The following RPS6KA1 variants were observed in gnomAD, a reference collection of about 807,000 sequenced individuals.
The protein encoded by RPS6KA1 is ribosomal protein S6 kinase A1.
RPS6KA1 carries 48 observed loss-of-function variants against 91.3 expected under a neutral mutation model. The ratio of observed to expected loss-of-function variants is 0.53; its 90% CI spans 0.42 to 0.67. RPS6KA1 has a LOEUF of 0.67. Among genes scored for constraint, RPS6KA1 ranks in the 30% least tolerant of loss-of-function variants. RPS6KA1 has a pLI of 0.00. For missense variants in RPS6KA1, 719 were observed against 960.5 expected, an observed-to-expected ratio of 0.75 and a Z score of 3.32; for synonymous variants, 359 against 384.7, an observed-to-expected ratio of 0.93 and a Z score of 0.78.
chr1:26,530,006 G>C, intron 1 of RPS6KA1, 23 bp downstream of exon 1: 1 of 1,323,562 alleles, frequency 7.6e-7, no homozygotes, highest in South Asian at 1.8e-5. Context: ...GGCGGGGGAC[G>C]GGCGCCCGCG....
intron 4 of RPS6KA1, among the ~76,000 whole-genome samples, chr1:26,549,682 A>G (rs1374563647): frequency 6.7e-6 from 1 of 149,400 alleles, no homozygotes; most frequent in Non-Finnish European, 1.5e-5. Flanking sequence ...CATGTCCAAA[A>G]GCCTGTTCTT....
chr1:26,536,209 G>T (rs910410649), intron 1 of RPS6KA1, among the ~76,000 whole-genome samples: 14 of 150,280 alleles, frequency 9.3e-5, no homozygotes, highest in African/African-American at 3.4e-4. Context: ...ACTGAGCCCA[G>T]TGCCTGCCAT....
At position 26,571,172 on chromosome 1, in the gene RPS6KA1, T is replaced by G; in HGVS notation, c.1591-277T>G. 2 of 377,724 alleles carry G rather than the reference T, an allele frequency of 5.3e-6. No homozygotes were observed. The highest frequency in any genetic ancestry group is 5.3e-5 in the South Asian group (1 of 19,010). The allele number at this position is 377,724 out of a possible 1,614,324, so 23.4% of individuals were successfully genotyped here. A position where few individuals can be genotyped will look rare whatever the true frequency, so the allele number is the denominator to read the frequency against. On this transcript the variant is annotated intron_variant, in intron 17 of 21. Transcript: ENST00000374168. The surrounding 1 kb of genome is among the most constrained non-coding windows in gnomAD (Gnocchi z 5.1). ...GACCTAAGTAACAGGAAGGATGGAG[T>G]TGCCACAAGGTAAGATTATGTGATG...
At chr1:26,543,122 A>G in intron 2 of RPS6KA1, 2 of 1,534,784 alleles carry the variant, frequency 1.3e-6, no homozygotes, top group Non-Finnish European at 1.7e-6. Context: ...AGAAGTAGGA[A>G]GAGTAACGGG....
intron 17 of RPS6KA1, among the ~76,000 whole-genome samples, chr1:26,562,897 C>T (rs1295470417): frequency 7.5e-6 from 1 of 133,230 alleles, no homozygotes; most frequent in Non-Finnish European, 1.5e-5. Context: ...AGTGCAGTGG[C>T]ACGATCTTGG....
At position 26,571,311 on chromosome 1, in the gene RPS6KA1, T is replaced by C; in HGVS notation, c.1591-138T>C. On this transcript the variant is annotated intron_variant, in intron 17 of 21. Transcript: ENST00000374168. The surrounding 1 kb of genome is among the most constrained non-coding windows in gnomAD (Gnocchi z 5.1). Reference sequence around the variant, plus strand: ...GCAATAAGACCATCATTTCAGCCCCTTCCCCTTCTCTCGGATGCCAAGTCC... The same window carrying C: ...GCAATAAGACCATCATTTCAGCCCCCTCCCCTTCTCTCGGATGCCAAGTCC... The C allele has an allele frequency of 4.0e-6, 3 of 741,102 alleles. No homozygotes were observed. The highest frequency in any genetic ancestry group is 4.5e-6 in the Non-Finnish European group (2 of 442,576). 45.9% of individuals were successfully genotyped at this position (741,102 alleles called of 1,614,324 possible).
At chr1:26,530,251 A>C (rs2075858524) in intron 1 of RPS6KA1, among the ~76,000 whole-genome samples, 1 of 152,070 alleles carries the variant, frequency 6.6e-6, no homozygotes, top group Non-Finnish European at 1.5e-5. Flanking sequence ...TTCACCCCAC[A>C]CCTAGGACCC....
At chr1:26,539,333 C>T (rs2075929605) in intron 2 of RPS6KA1, among the ~76,000 whole-genome samples, 1 of 152,210 alleles carries the variant, frequency 6.6e-6, no homozygotes, top group Admixed American at 6.5e-5. Flanking sequence ...AGGCCATGTT[C>T]CCTGCGGAAC....
In RPS6KA1 at chr1:26,555,966, TC is replaced by T; in HGVS notation, c.916+345del. 1 of 398,952 alleles carries T rather than the reference TC, an allele frequency of 2.5e-6. No individual in the cohort carries two copies. The highest frequency in any genetic ancestry group is 4.7e-6 in the Non-Finnish European group (1 of 214,594). 24.7% of individuals were successfully genotyped at this position (398,952 alleles called of 1,614,324 possible). A position where few individuals can be genotyped will look rare whatever the true frequency, so the allele number is the denominator to read the frequency against. On this transcript the variant is annotated intron_variant, in intron 11 of 21. Coordinates refer to ENST00000374168, the MANE Select transcript of RPS6KA1 (RefSeq NM_002953.4). This position sits in a 1 kb window ranked among gnomAD's most constrained non-coding sequence, Gnocchi z 4.3. ...GTCCCAATCCCGGCTCTGTGTCAGG[TC>T]CCCACTGCCTGGCACAAAACAGTCC... is the stretch of plus-strand genomic sequence containing the variant.
At chr1:26,534,288 A>G (rs1157092349) in intron 1 of RPS6KA1, among the ~76,000 whole-genome samples, 2 of 152,144 alleles carry the variant, frequency 1.3e-5, no homozygotes, top group East Asian at 1.9e-4. Context: ...TTCACTGGAT[A>G]AACCACATGC....
rs1368867840 is a variant in RPS6KA1 at position 26,547,029 on chromosome 1, GAGGTGGGGGTCA to G, written c.225+50_225+61del. ...TGTGAAGGCAACACTCGTCATGTTA[GAGGTGGGGGTCA>G]AGGGTCACCTAGGGGCCCAAAGGAT... On this transcript the variant is annotated intron_variant, in intron 3 of 21. Transcript: ENST00000374168. This position sits in a 1 kb window ranked among gnomAD's most constrained non-coding sequence, Gnocchi z 4.1. The G allele has an allele frequency of 6.4e-7, 1 of 1,573,676 alleles. No individual in the cohort carries two copies.
Position 26,550,433 on chromosome 1 carries a change from C to T in RPS6KA1, c.308-964C>T, listed in dbSNP as rs137990320. Among the ~76,000 whole-genome samples, 681 of 152,092 alleles carry T rather than the reference C, an allele frequency of 4.5e-3. 18 individuals are homozygous for T. The highest frequency in any genetic ancestry group is 0.03 in the East Asian group (156 of 5,168). Reference sequence around the variant, plus strand: ...TCCTGACCTCATGATCTGCCTGCCTCGGCCTCCCAAAGTGCTGGGATTAGA... The same window carrying T: ...TCCTGACCTCATGATCTGCCTGCCTTGGCCTCCCAAAGTGCTGGGATTAGA... On this transcript the variant is annotated intron_variant, in intron 4 of 21. Transcript: ENST00000374168.
At chr1:26,572,600 G>A (rs2076258847) in intron 20 of RPS6KA1, among the ~76,000 whole-genome samples, 1 of 152,150 alleles carries the variant, frequency 6.6e-6, no homozygotes, top group African/African-American at 2.4e-5. Flanking sequence ...TTGCACACAA[G>A]GGGCAGAGAT....
intron 4 of RPS6KA1, among the ~76,000 whole-genome samples, chr1:26,550,599 A>G (rs1406358938): frequency 6.6e-6 from 1 of 152,206 alleles, no homozygotes; most frequent in Non-Finnish European, 1.5e-5. Flanking sequence ...GATTACAGGC[A>G]TGAGCCACTG....
rs200512418 is a variant in RPS6KA1 at position 26,546,905 on chromosome 1, C to T, written c.147C>T (p.His49=). 44 of 1,614,156 alleles carry T rather than the reference C, an allele frequency of 2.7e-5. No individual in the cohort carries two copies. The highest frequency in any genetic ancestry group is 1.7e-4 in the Middle Eastern group (1 of 6,060). Residue 49 remains histidine, a synonymous_variant, in exon 3 of 22, where the codon CAC becomes CAT. Transcript: ENST00000374168. ...TCAAGGAGATCTCCATCACGCACCA[C>T]GTCAAGGCTGGCTCTGAGAAGGCTG... ...GVLKEISITH[H]VKAGSEKADP...
Position 26,529,937 on chromosome 1 carries a change from TC to T in RPS6KA1, c.18del (p.Lys7ArgfsTer9). On this transcript the variant is annotated frameshift_variant, in exon 1 of 22. Transcript: ENST00000374168. LOFTEE classifies it high-confidence loss of function. This position sits in a 1 kb window ranked among gnomAD's most constrained non-coding sequence, Gnocchi z 4.2. Reference protein sequence around the residue: MPLAQLKEPWPLMELV... With the variant: MPLAQXKEPWPLMELV... Reference sequence around the variant, plus strand: ...GGCGGCGAGATGCCGCTCGCCCAGCTCAAGGAGCCCTGGCCGCTCATGGAGC... The same window carrying T: ...GGCGGCGAGATGCCGCTCGCCCAGCTAAGGAGCCCTGGCCGCTCATGGAGC... The T allele has an allele frequency of 7.0e-7, 1 of 1,433,140 alleles. No homozygotes were observed. The highest frequency in any genetic ancestry group is 9.1e-7 in the Non-Finnish European group (1 of 1,094,228). The allele number at this position is 1,433,140 out of a possible 1,614,324, so 88.8% of individuals were successfully genotyped here.
At chr1:26,565,891 T>G (rs1463540681) in intron 17 of RPS6KA1, among the ~76,000 whole-genome samples, 1 of 152,224 alleles carries the variant, frequency 6.6e-6, no homozygotes, top group African/African-American at 2.4e-5. Flanking sequence ...GTATCTGGCT[T>G]CTGCCATTCA....
chr1:26,535,750 C>G (rs1250536478), intron 1 of RPS6KA1, among the ~76,000 whole-genome samples: 2 of 152,126 alleles, frequency 1.3e-5, no homozygotes, highest in Non-Finnish European at 2.9e-5. Flanking sequence ...CCCCACTCAC[C>G]AGTTGTGTGA....
At chr1:26,546,613 G>T (rs944708142) in intron 2 of RPS6KA1, among the ~76,000 whole-genome samples, 4 of 152,244 alleles carry the variant, frequency 2.6e-5, no homozygotes, top group African/African-American at 4.8e-5. Context: ...GCCTGGCCAT[G>T]CCTGGGCATC....
Sources: allele counts gnomAD v4.1 joint callset (sites outside exome capture counted in the v4.1 genomes callset), GRCh38; gene constraint gnomAD v4.1.1; non-coding constraint Gnocchi (gnomAD v3.1); transcripts MANE v1.5; gene names NCBI Gene and HGNC (gene_info 2026-07-23, HGNC 2026-07-21).